Variants in UTRN observed in about 807,000 individuals in gnomAD.
The protein encoded by UTRN is dystrophin-related protein 1.
UTRN carries 283 observed loss-of-function variants against 463.9 expected under a neutral mutation model. The ratio of observed to expected loss-of-function variants is 0.61; its 90% CI spans 0.55 to 0.67. The LOEUF is 0.67. Among genes scored for constraint, UTRN ranks in the 30% least tolerant of loss-of-function variants. UTRN has a pLI of 0.00. For missense variants in UTRN, 3,922 were observed against 4,084.3 expected (o/e 0.96, Z 1.08); for synonymous variants, 1,442 against 1,431.5 (o/e 1.01, Z -0.17).
chr6:144,368,771 GA>G (rs570255668), intron 2 of UTRN, among the ~76,000 whole-genome samples: 2 of 148,696 alleles, frequency 1.3e-5, no homozygotes, highest in East Asian at 2.0e-4. Flanking sequence ...CGCAAAAAAA[GA>G]AAAAAAAAGG....
intron 53 of UTRN, among the ~76,000 whole-genome samples, chr6:144,711,504 A>T (rs926976181): frequency 6.6e-6 from 1 of 152,190 alleles, no homozygotes; most frequent in Non-Finnish European, 1.5e-5. Flanking sequence ...TTCAGTCAAC[A>T]ATTACCTATA....
At chr6:144,294,204 C>T (rs1323151233) in intron 2 of UTRN, among the ~76,000 whole-genome samples, 3 of 151,992 alleles carry the variant, frequency 2.0e-5, no homozygotes, top group African/African-American at 4.8e-5. Flanking sequence ...GTGGCATCTA[C>T]TTCAAAACAC....
At chr6:144,698,173 C>G (rs1053910359) in intron 52 of UTRN, among the ~76,000 whole-genome samples, 1 of 152,078 alleles carries the variant, frequency 6.6e-6, no homozygotes, top group Non-Finnish European at 1.5e-5. Flanking sequence ...TAGTTCTGCT[C>G]TGTGACAAGT....
chr6:144,450,277 A>G (rs958657785), intron 17 of UTRN, among the ~76,000 whole-genome samples: 2 of 152,224 alleles, frequency 1.3e-5, no homozygotes, highest in South Asian at 4.2e-4. Context: ...ACTCCTTAAT[A>G]TGTCCTGCAG....
rs1370517835 is a variant in UTRN, at chr6:144,286,247, GTC to G, written c.-93+428_-93+429del. Among the ~76,000 whole-genome samples, 2 of 152,182 alleles carry G rather than the reference GTC, an allele frequency of 1.3e-5. No individual in the cohort carries two copies. Among genetic ancestry groups the G allele is most frequent in the African/African-American group, 4.8e-5 (2 of 41,414 alleles). On this transcript the variant is annotated intron_variant, in intron 1 of 74. Coordinates refer to ENST00000367545, the MANE Select transcript of UTRN (RefSeq NM_007124.3). The surrounding 1 kb of genome is among the most constrained non-coding windows in gnomAD (Gnocchi z 4.4). Reference sequence around the variant, plus strand: ...AGAGGGGACGTGGCCTCTTAGGAGAGTCTGTCACAGACACCCGGGCCCGGGGA... The same window carrying G: ...AGAGGGGACGTGGCCTCTTAGGAGAGTGTCACAGACACCCGGGCCCGGGGA...
chr6:144,442,031 C>T (rs1314573185), intron 13 of UTRN, among the ~76,000 whole-genome samples: 3 of 152,170 alleles, frequency 2.0e-5, no homozygotes, highest in African/African-American at 7.2e-5. Context: ...TCCTAGGCCT[C>T]TGGGCTTGTG....
chr6:144,796,705 A>G (rs1412336360), intron 63 of UTRN, among the ~76,000 whole-genome samples: 1 of 152,198 alleles, frequency 6.6e-6, no homozygotes, highest in African/African-American at 2.4e-5. Context: ...CATAAAGTAC[A>G]AGTCTACAGA....
chr6:144,607,598 G>A (rs1468035726), intron 51 of UTRN, among the ~76,000 whole-genome samples: 3 of 152,108 alleles, frequency 2.0e-5, no homozygotes, highest in African/African-American at 4.8e-5. Flanking sequence ...GATTTTTTGG[G>A]CACTTTGAAA....
chr6:144,486,737 C>T (rs187713389), intron 28 of UTRN, among the ~76,000 whole-genome samples: 82 of 152,240 alleles, frequency 5.4e-4, no homozygotes, highest in Non-Finnish European at 1.0e-3. Flanking sequence ...CCAGGCTGGG[C>T]TCGAACTCCT....
chr6:144,652,318 G>A (rs1445115967), intron 51 of UTRN, among the ~76,000 whole-genome samples: 1 of 152,134 alleles, frequency 6.6e-6, no homozygotes, highest in Non-Finnish European at 1.5e-5. Flanking sequence ...AGGGTCCAGG[G>A]AATAAGACTT....
rs116253225 is a variant in UTRN at position 144,548,840 on chromosome 6, G to C, written c.6796G>C (p.Val2266Leu). 6.2e-7 allele frequency: 1 copy of C among 1,613,788 alleles called. No individual in the cohort carries two copies. Among genetic ancestry groups the C allele is most frequent in the Non-Finnish European group, 8.5e-7 (1 of 1,179,876 alleles). ...VGDVEEINKT[V>L]SRMKITKADL... ...GGATGTAGAAGAGATCAATAAGACC[G>C]TTTCCCGAATGAAAGTAGGTGCATA... The change falls in exon 47 of 75, where the codon GTT becomes CTT. Residue 2266 changes from valine (V) to leucine (L), a missense_variant. This residue lies in a region of UTRN where 1,309 missense variants were observed against 1,452.6 expected (regional missense o/e 0.90). Transcript: ENST00000367545.
chr6:144,412,540 T>C (rs182729207), intron 3 of UTRN, among the ~76,000 whole-genome samples: 102 of 152,246 alleles, frequency 6.7e-4, no homozygotes, highest in Non-Finnish European at 1.2e-3. Flanking sequence ...TATTTCTTTT[T>C]GAATTTTTAA....
In UTRN at chr6:144,639,607, G is replaced by A. The variant is rs144157552; in HGVS notation, c.7480-38799G>A. Among the ~76,000 whole-genome samples the A allele has an allele frequency of 1.3e-3, 198 of 151,832 alleles. 1 individual carries two copies. The highest frequency in any genetic ancestry group is 4.6e-3 in the African/African-American group (189 of 41,400). Reference sequence around the variant, plus strand: ...TCAGTTACCCAAGCCAGAAATTTAGGTATCATTCTTGAATACATTGTTTCT... The same window carrying A: ...TCAGTTACCCAAGCCAGAAATTTAGATATCATTCTTGAATACATTGTTTCT... On this transcript the variant is annotated intron_variant, in intron 51 of 74. Transcript: ENST00000367545.
Position 144,523,283 on chromosome 6 carries a change from A to G in UTRN, c.5906+95A>G, listed in dbSNP as rs1335232005. 30 of 986,686 alleles carry G rather than the reference A, an allele frequency of 3.0e-5. No individual in the cohort carries two copies. The Admixed American group carries it at 8.4e-4, about 28-fold the overall frequency. 61.1% of individuals were successfully genotyped at this position (986,686 alleles called of 1,614,324 possible). ...TGTGGACACTGAGATTAATGAGAACATGTTTCATATCCTTGTAGGATGCCC... is the reference window on the plus strand; with the variant it reads ...TGTGGACACTGAGATTAATGAGAACGTGTTTCATATCCTTGTAGGATGCCC... On this transcript the variant is annotated intron_variant, in intron 41 of 74. Transcript: ENST00000367545.
At chr6:144,752,086 C>A in intron 56 of UTRN, 134 bp downstream of exon 56, 1 of 894,314 alleles carries the variant, frequency 1.1e-6, no homozygotes, top group Non-Finnish European at 1.5e-6. Flanking sequence ...CATGTGATGA[C>A]ATCAGGTATT....
rs140182248 is a variant in UTRN at position 144,429,653 on chromosome 6, A to T, written c.767A>T (p.Gln256Leu). 8.6e-5 allele frequency: 139 copies of T among 1,613,214 alleles called. 1 individual carries two copies. In the African/African-American group the frequency reaches 1.7e-3, roughly 20 times the overall value. ...YLTSLFEVLPQQVTIDAIREV... is the reference protein window; with the variant it reads ...YLTSLFEVLPLQVTIDAIREV... ...ACATCTTTGTTTGAGGTGCTACCTC[A>T]GCAAGTCACCATAGACGCCATCCGT... Residue 256 changes from glutamine (Q) to leucine (L), a missense_variant, in exon 9 of 75, where the codon CAG becomes CTG. Around this residue, in one of 3 missense-constraint regions of UTRN, gnomAD observed 264 missense variants for 327.9 expected, o/e 0.81. Transcript: ENST00000367545.
At chr6:144,733,528 C>T (rs1054218104) in intron 54 of UTRN, among the ~76,000 whole-genome samples, 1 of 140,858 alleles carries the variant, frequency 7.1e-6, no homozygotes, top group Non-Finnish European at 1.5e-5. Context: ...AAAAAAAAAA[C>T]TTTGTAATTG....
In UTRN at chr6:144,499,260, A is replaced by G. The variant is rs1427655553; in HGVS notation, c.4597A>G (p.Thr1533Ala). The G allele has an allele frequency of 2.5e-6, 4 of 1,611,226 alleles. No individual in the cohort carries two copies. In the Admixed American group the frequency reaches 6.7e-5, roughly 27 times the overall value. Residue 1533 changes from threonine to alanine, a missense_variant, in exon 34 of 75, where the codon ACA becomes GCA. By Grantham distance (58) the Thr-to-Ala change is moderately conservative. This residue lies in a region of UTRN where 2,349 missense variants were observed against 2,303.8 expected (regional missense o/e 1.02). Coordinates refer to ENST00000367545, the MANE Select transcript of UTRN (RefSeq NM_007124.3). ...TCCCTGCCTCTCTCCGTCTCAGGTG[A>G]CAGAAGGAAAACAGGATCTGGAAAG... ...VLYNDLGAQV[T>A]EGKQDLERAS...
chr6:144,637,099 G>T lies in UTRN; in HGVS notation c.7480-41307G>T, dbSNP rs567002218. On this transcript the variant is annotated intron_variant, in intron 51 of 74. Coordinates refer to ENST00000367545, the MANE Select transcript of UTRN (RefSeq NM_007124.3). ...TCCTCCTGCCTCATTCTCCCAAGTA[G>T]CTGGGACCACAGGTGCATGCCACCA... 7.2e-5 allele frequency among the ~76,000 whole-genome samples: 11 copies of T among 152,276 alleles called. No homozygotes were observed. In the South Asian group the frequency reaches 2.1e-3, roughly 29 times the overall value.
Sources: gnomAD v4.1 joint callset for allele counts (sites outside exome capture counted in the v4.1 genomes callset) on GRCh38, gnomAD v4.1.1 for gene constraint, gnomAD v4.1.1 regional missense constraint, Gnocchi (gnomAD v3.1) non-coding constraint, MANE v1.5 for transcripts, NCBI Gene and HGNC (gene_info 2026-07-23, HGNC 2026-07-21) for gene names.